AKAP13: variants seen among roughly 807,000 people sequenced by gnomAD.
AKAP13 encodes the protein A-kinase anchoring protein 13.
A neutral mutation model predicts 264.5 loss-of-function variants in AKAP13; 80 were observed. The observed-to-expected ratio is 0.30, with a 90% CI of 0.25 to 0.36. AKAP13 has a LOEUF of 0.36. AKAP13 is among the 10% of genes least tolerant of loss of function. The probability of loss-of-function intolerance (pLI) is 1.00; values close to 1 mark genes in which losing one functional copy is unlikely to be tolerated. For synonymous variants in AKAP13, 1,380 were observed against 1,250.2 expected, an observed-to-expected ratio of 1.10 and a Z score of -2.19; for missense variants, 3,712 against 3,435.2, an observed-to-expected ratio of 1.08 and a Z score of -2.01.
chr15:85,414,506 T>C (rs553093532), intron 1 of AKAP13, among the ~76,000 whole-genome samples: 10 of 152,302 alleles, frequency 6.6e-5, no homozygotes, highest in African/African-American at 1.9e-4. Context: ...TAGTGAGATT[T>C]AGATGATGAT....
intron 1 of AKAP13, among the ~76,000 whole-genome samples, 187 bp downstream of exon 1, chr15:85,380,985 C>T (rs1168782851): frequency 6.6e-6 from 1 of 152,092 alleles, no homozygotes; most frequent in Non-Finnish European, 1.5e-5. Flanking sequence ...CTCAGGTCTG[C>T]GGACCCCTCC....
chr15:85,570,109 A>G (rs1371279127), intron 5 of AKAP13, among the ~76,000 whole-genome samples: 2 of 140,550 alleles, frequency 1.4e-5, no homozygotes, highest in Non-Finnish European at 3.1e-5. Flanking sequence ...CTGGATTTTG[A>G]TATTTACTTA....
Position 85,543,779 on chromosome 15 carries a change from C to T in AKAP13, c.486C>T (p.Gly162=). The change falls in exon 5 of 37, where the codon GGC becomes GGT. Residue 162 remains glycine, a synonymous_variant. Coordinates refer to ENST00000394518, the MANE Select transcript of AKAP13 (RefSeq NM_007200.5). ...LGTDQSLHDA[G]PRETLMHFAV... ...TTTCTCCCCCATTTACAGATGCTGG[C>T]CCGCGAGAGACATTGATGCATTTTG... 1 of 1,602,268 alleles carries T rather than the reference C, an allele frequency of 6.2e-7. No individual in the cohort carries two copies. The highest frequency in any genetic ancestry group is 8.5e-7 in the Non-Finnish European group (1 of 1,173,630).
intron 8 of AKAP13, among the ~76,000 whole-genome samples, chr15:85,608,974 C>G (rs1408446477): frequency 6.6e-6 from 1 of 152,174 alleles, no homozygotes; most frequent in African/African-American, 2.4e-5. Context: ...TAGCATAACA[C>G]ATACACTTTT....
rs575885878 is a variant in AKAP13 at position 85,411,317 on chromosome 15, C to T, written c.-12+30519C>T. 2.0e-5 allele frequency among the ~76,000 whole-genome samples: 3 copies of T among 152,294 alleles called. No homozygotes were observed. The East Asian group carries it at 5.8e-4, about 29-fold the overall frequency. ...CATTATTACTTTTATTAAATCTCAA[C>T]CTTTGAGCACACATTTAAAAATGTG... On this transcript the variant is annotated intron_variant, in intron 1 of 36. Coordinates refer to ENST00000394518, the MANE Select transcript of AKAP13 (RefSeq NM_007200.5).
chr15:85,625,698 T>TAAA, intron 8 of AKAP13, among the ~76,000 whole-genome samples: 1 of 152,230 alleles, frequency 6.6e-6, no homozygotes, highest in East Asian at 1.9e-4. Flanking sequence ...CCCCATCGCT[T>TAAA]AAAAAACGAA....
At chr15:85,692,961 C>A in intron 16 of AKAP13, 1 of 247,236 alleles carries the variant, frequency 4.0e-6, no homozygotes, top group Non-Finnish European at 7.7e-6. Flanking sequence ...TGAGGAAGGG[C>A]TGTACTGAGG....
chr15:85,414,570 G>A (rs1308052121), intron 1 of AKAP13, among the ~76,000 whole-genome samples: 3 of 152,190 alleles, frequency 2.0e-5, no homozygotes, highest in Non-Finnish European at 4.4e-5. Flanking sequence ...TATGGTATAG[G>A]TACAGAGTGT....
At chr15:85,503,416 C>G (rs956767251) in intron 2 of AKAP13, among the ~76,000 whole-genome samples, 3 of 152,166 alleles carry the variant, frequency 2.0e-5, no homozygotes, top group Admixed American at 6.5e-5. Context: ...GCAATGCTGT[C>G]CATTCTGTAT....
intron 33 of AKAP13, among the ~76,000 whole-genome samples, chr15:85,739,205 A>G (rs959973721): frequency 6.6e-6 from 1 of 152,242 alleles, no homozygotes; most frequent in African/African-American, 2.4e-5. Context: ...GTATGCCAAA[A>G]TGCTTTTGAA....
At chr15:85,682,660 G>A (rs542894162) in intron 15 of AKAP13, among the ~76,000 whole-genome samples, 15 of 152,190 alleles carry the variant, frequency 9.9e-5, no homozygotes, top group African/African-American at 2.6e-4. Context: ...CGAAGTAAAC[G>A]AATTGATTCT....
intron 1 of AKAP13, among the ~76,000 whole-genome samples, chr15:85,457,258 G>C (rs1201076070): frequency 6.6e-6 from 1 of 152,112 alleles, no homozygotes; most frequent in African/African-American, 2.4e-5. Flanking sequence ...TTTTTTTGGT[G>C]ATTGAGGGCC....
chr15:85,716,420 C>G (rs563929751), intron 20 of AKAP13, among the ~76,000 whole-genome samples: 2 of 151,854 alleles, frequency 1.3e-5, no homozygotes, highest in Non-Finnish European at 2.9e-5. Flanking sequence ...TTCTCACTCA[C>G]TCGTTTGCAC....
chr15:85,672,274 C>G (rs142507598), intron 14 of AKAP13, among the ~76,000 whole-genome samples: 43 of 152,348 alleles, frequency 2.8e-4, no homozygotes, highest in South Asian at 2.1e-3. Flanking sequence ...ATAGCATATG[C>G]TGCAACAGAA....
intron 2 of AKAP13, among the ~76,000 whole-genome samples, chr15:85,508,820 C>T (rs571837137): frequency 5.9e-5 from 9 of 152,258 alleles, no homozygotes; most frequent in Non-Finnish European, 1.2e-4. Context: ...TTGTACTTCC[C>T]TTGCACTCGA....
At chr15:85,643,744 T>C (rs1224754996) in intron 9 of AKAP13, among the ~76,000 whole-genome samples, 1 of 152,226 alleles carries the variant, frequency 6.6e-6, no homozygotes, top group Non-Finnish European at 1.5e-5. Context: ...TCACTGGTCT[T>C]TGCCCCTGGA....
At chr15:85,499,672 C>G (rs1418475115) in intron 2 of AKAP13, among the ~76,000 whole-genome samples, 1 of 151,866 alleles carries the variant, frequency 6.6e-6, no homozygotes, top group African/African-American at 2.4e-5. Context: ...CAATCCCTAA[C>G]ACATGCATAA....
At chr15:85,505,665 G>T (rs916977763) in intron 2 of AKAP13, among the ~76,000 whole-genome samples, 1 of 152,082 alleles carries the variant, frequency 6.6e-6, no homozygotes, top group African/African-American at 2.4e-5. Context: ...ATTTCTATTC[G>T]TGTTGCATGA....
At chr15:85,721,963 C>T (rs1464478692) in intron 23 of AKAP13, 28 bp from the exon 24 acceptor site, 2 of 1,612,302 alleles carry the variant, frequency 1.2e-6, no homozygotes, top group African/African-American at 2.7e-5. Flanking sequence ...CGCCCCATGG[C>T]ATAACTTCTG....
Sources: gnomAD v4.1 joint callset for allele counts (sites outside exome capture counted in the v4.1 genomes callset) on GRCh38, gnomAD v4.1.1 for gene constraint, MANE v1.5 for transcripts, NCBI Gene and HGNC (gene_info 2026-07-23, HGNC 2026-07-21) for gene names.